Variants in SERINC2 observed in about 807,000 individuals in gnomAD.
SERINC2 encodes tumor differentially expressed protein 2.
Under a neutral mutation model 54.2 loss-of-function variants are expected in SERINC2, and 56 were observed. That is an observed-to-expected ratio of 1.03 (90% confidence interval 0.83 to 1.29). The LOEUF is 1.29. Among genes scored for constraint, SERINC2 ranks in the 50% most tolerant of loss-of-function variants. SERINC2 has a pLI of 0.00. For synonymous variants in SERINC2, 272 were observed against 253.1 expected, an observed-to-expected ratio of 1.07 and a Z score of -0.71; for missense variants, 614 against 607.4, an observed-to-expected ratio of 1.01 and a Z score of -0.12.
At position 31,424,696 on chromosome 1, in the gene SERINC2, G is replaced by C; in HGVS notation, c.215G>C (p.Cys72Ser). Residue 72 changes from cysteine (C) to serine (S), a missense_variant, in exon 3 of 10, where the codon TGT becomes TCT. By Grantham distance (112) the Cys-to-Ser change is moderately radical. Transcript: ENST00000373709. ...ESQLYKLPWV[C>S]EEGAGIPTVL... The stretch of plus-strand genomic sequence containing the variant: ...CTGTCTCCACAGCTGCCCTGGGTGT[G>C]TGAGGAGGGGGCCGGGATCCCCACC... 6.2e-7 allele frequency: 1 copy of C among 1,600,332 alleles called. No individual in the cohort carries two copies. The highest frequency in any genetic ancestry group is 8.5e-7 in the Non-Finnish European group (1 of 1,173,616).
At chr1:31,431,975 A>ATAGGGTGGATAGGGTGGT (rs1641253158) in intron 8 of SERINC2, among the ~76,000 whole-genome samples, 1 of 105,562 alleles carries the variant, frequency 9.5e-6, no homozygotes, top group African/African-American at 3.8e-5. Flanking sequence ...GATAGGGTGG[A>ATAGGGTGGATAGGGTGGT]TAGGGTGGAT....
rs560703832 is a variant in SERINC2 at position 31,423,743 on chromosome 1, C to T, written c.90C>T (p.Pro30=). ...SAPCILCSCC[P]ASRNSTVSRL... is the part of the protein sequence containing the mutation. ...CCTGCATCCTGTGCAGCTGCTGCCC[C>T]GCCAGCCGCAACTCCACCGTGAGCC... Residue 30 remains proline (P), a synonymous_variant, in exon 2 of 10, where the codon CCC becomes CCT. Coordinates refer to ENST00000373709, the MANE Select transcript of SERINC2 (RefSeq NM_178865.5). 26 of 1,613,122 alleles carry T rather than the reference C, an allele frequency of 1.6e-5. 1 individual carries two copies. Among genetic ancestry groups the T allele is most frequent in the South Asian group, 3.3e-5 (3 of 91,090 alleles).
At chr1:31,433,227 G>C (rs782721872) in intron 9 of SERINC2, 42 bp downstream of exon 9, 2 of 1,536,360 alleles carry the variant, frequency 1.3e-6, no homozygotes, top group South Asian at 2.2e-5. Context: ...GGAGGTGCAG[G>C]GTGCAGGTCC....
chr1:31,414,615 GTGTGCA>G (rs1553132008), intron 1 of SERINC2: 13 of 985,664 alleles, frequency 1.3e-5, no homozygotes, highest in Non-Finnish European at 1.4e-5. Context: ...GTGTGTGTGC[GTGTGCA>G]TGTGCGTGTG....
rs782049292 is a variant in SERINC2, at chr1:31,433,167, C to T, written c.1214C>T (p.Thr405Met). The T allele has an allele frequency of 2.6e-5, 42 of 1,613,630 alleles. No homozygotes were observed. Among genetic ancestry groups the T allele is most frequent in the Middle Eastern group, 3.3e-4 (2 of 6,058 alleles). ...LVLASLHVMM[T>M]LTNWYKPGET... is the part of the protein sequence containing the mutation. ...CTGGCCTCACTGCACGTCATGATGA[C>T]GCTCACCAACTGGTACAAGTGCGTA... The change falls in exon 9 of 10, where the codon ACG becomes ATG. Residue 405 changes from threonine to methionine, a missense_variant. Physicochemically the swap from Thr to Met is moderately conservative, Grantham distance 81 (BLOSUM62 -1). Coordinates refer to ENST00000373709, the MANE Select transcript of SERINC2 (RefSeq NM_178865.5).
At chr1:31,431,858 A>ATAGGATGGTTAGGGTGGATAGGGTGGT (rs1557500034) in intron 8 of SERINC2, among the ~76,000 whole-genome samples, 1 of 133,526 alleles carries the variant, frequency 7.5e-6, no homozygotes, top group Non-Finnish European at 1.6e-5. Context: ...GATAGGGTGG[A>ATAGGATGGTTAGGGTGGATAGGGTGGT]TAGGGTGGAT....
At chr1:31,430,694 C>T (rs1478756232) in intron 8 of SERINC2, among the ~76,000 whole-genome samples, 1 of 152,140 alleles carries the variant, frequency 6.6e-6, no homozygotes, top group Non-Finnish European at 1.5e-5. Context: ...TGAACATTTG[C>T]ACAACTAGGT....
intron 1 of SERINC2, among the ~76,000 whole-genome samples, chr1:31,416,464 A>G (rs1265486012): frequency 1.3e-5 from 2 of 152,134 alleles, no homozygotes; most frequent in Non-Finnish European, 2.9e-5. Context: ...CAGCATTAGG[A>G]CCTGCATTCT....
intron 2 of SERINC2, 50 bp downstream of exon 2, chr1:31,423,904 G>A: frequency 6.4e-7 from 1 of 1,572,940 alleles, no homozygotes; most frequent in Non-Finnish European, 8.7e-7. Context: ...GGCGTCAGTG[G>A]CTCCAGGATA....
Position 31,413,703 on chromosome 1 carries a change from C to A in SERINC2, c.39+399C>A. The A allele has an allele frequency of 2.4e-6, 3 of 1,225,904 alleles. No individual in the cohort carries two copies. Among genetic ancestry groups the A allele is most frequent in the Non-Finnish European group, 3.1e-6 (3 of 962,552 alleles). 75.9% of individuals were successfully genotyped at this position (1,225,904 alleles called of 1,614,324 possible). On this transcript the variant is annotated intron_variant, in intron 1 of 9. Coordinates refer to ENST00000373709, the MANE Select transcript of SERINC2 (RefSeq NM_178865.5). The surrounding 1 kb of genome is among the most constrained non-coding windows in gnomAD (Gnocchi z 5.0). ...TGTCCCCGTCCCGGACGCCCTGGTT[C>A]TCTGTGTAGGTCGCCCGGGCCCCGT...
intron 1 of SERINC2, chr1:31,414,323 C>G (rs1640721992): frequency 1.5e-6 from 2 of 1,314,994 alleles, no homozygotes; most frequent in South Asian, 2.3e-5. Flanking sequence ...TCAGGCAGCC[C>G]CCTCCCCCTC....
Position 31,417,896 on chromosome 1 carries a change from G to T in SERINC2, c.39+4592G>T, listed in dbSNP as rs150765223. ...TTTTGAGACAGAGTCCTGCTCTGTT[G>T]CCCAGGCTGGAGTGCAATGGCACAA... On this transcript the variant is annotated intron_variant, in intron 1 of 9. Coordinates refer to ENST00000373709, the MANE Select transcript of SERINC2 (RefSeq NM_178865.5). Among the ~76,000 whole-genome samples the T allele has an allele frequency of 4.6e-3, 517 of 112,048 alleles. 2 individuals carry two copies. Among genetic ancestry groups the T allele is most frequent in the Middle Eastern group, 0.01 (1 of 98 alleles). The allele number at this position is 112,048 out of a possible 152,430, so 73.5% of individuals were successfully genotyped here.
chr1:31,430,927 C>G (rs929241581), intron 8 of SERINC2, among the ~76,000 whole-genome samples: 7 of 152,186 alleles, frequency 4.6e-5, no homozygotes, highest in Admixed American at 3.9e-4. Flanking sequence ...GCCCCCAGGC[C>G]CCTGGGCTAG....
chr1:31,417,889 C>T (rs1640818219), intron 1 of SERINC2, among the ~76,000 whole-genome samples: 1 of 124,622 alleles, frequency 8.0e-6, no homozygotes, highest in African/African-American at 3.0e-5. Flanking sequence ...CAGAGTCCTG[C>T]TCTGTTGCCC....
At chr1:31,422,298 CA>C (rs112581286) in intron 1 of SERINC2, among the ~76,000 whole-genome samples, 60 of 136,212 alleles carry the variant, frequency 4.4e-4, no homozygotes, top group African/African-American at 1.6e-3. Flanking sequence ...GACCCTGTCT[CA>C]AAAAAAAAAA....
upstream of SERINC2, among the ~76,000 whole-genome samples, chr1:31,411,530 G>C (rs1226722123): frequency 1.3e-5 from 2 of 152,140 alleles, no homozygotes; most frequent in African/African-American, 4.8e-5. Flanking sequence ...TTGTTTGTGA[G>C]GCCATAAGGG....
intron 1 of SERINC2, among the ~76,000 whole-genome samples, chr1:31,422,879 G>A (rs1640936286): frequency 6.6e-6 from 1 of 152,212 alleles, no homozygotes; most frequent in South Asian, 2.1e-4. Context: ...CGCAACTGGG[G>A]CAGAGGACCC....
At position 31,428,991 on chromosome 1, in the gene SERINC2, A is replaced by T; in HGVS notation, c.794A>T (p.Asn265Ile). ...TCCTCTTGCCAGGACGCCCAGCCCAACTCGGGTCTGCTGCAGGCCTCGGTC... is the reference window on the plus strand; with the variant it reads ...TCCTCTTGCCAGGACGCCCAGCCCATCTCGGGTCTGCTGCAGGCCTCGGTC... ...VLPKVQDAQPNSGLLQASVIT... is the reference protein window; with the variant it reads ...VLPKVQDAQPISGLLQASVIT... Residue 265 changes from asparagine to isoleucine, a missense_variant, in exon 7 of 10, where the codon AAC becomes ATC. Coordinates refer to ENST00000373709, the MANE Select transcript of SERINC2 (RefSeq NM_178865.5). 1 of 1,613,656 alleles carries T rather than the reference A, an allele frequency of 6.2e-7. No individual in the cohort carries two copies. Among genetic ancestry groups the T allele is most frequent in the Non-Finnish European group, 8.5e-7 (1 of 1,179,864 alleles).
intron 1 of SERINC2, among the ~76,000 whole-genome samples, chr1:31,417,697 C>T (rs993249922): frequency 7.2e-5 from 11 of 152,126 alleles, no homozygotes; most frequent in African/African-American, 2.2e-4. Flanking sequence ...CCCAGCCCCT[C>T]GTAACCACCA....
Sources: gnomAD v4.1 joint callset for allele counts (sites outside exome capture counted in the v4.1 genomes callset) on GRCh38, gnomAD v4.1.1 for gene constraint, Gnocchi (gnomAD v3.1) non-coding constraint, MANE v1.5 for transcripts, NCBI Gene and HGNC (gene_info 2026-07-23, HGNC 2026-07-21) for gene names.